Variants in FAM78B observed in about 807,000 individuals in gnomAD.
The protein encoded by FAM78B is protein FAM78B.
Under a neutral mutation model 20.0 loss-of-function variants are expected in FAM78B, and 10 were observed. That is an observed-to-expected ratio of 0.50 (90% CI 0.31 to 0.85). The LOEUF is 0.85. Ranked by LOEUF, FAM78B falls within the 40% of genes least tolerant of loss-of-function variation. The pLI is 0.05. For synonymous variants in FAM78B, 135 were observed against 132.8 expected, an observed-to-expected ratio of 1.02 and a Z score of -0.12; for missense variants, 283 against 345.0, an observed-to-expected ratio of 0.82 and a Z score of 1.42.
At chr1:166,105,871 A>G (rs1472744496) in intron 1 of FAM78B, among the ~76,000 whole-genome samples, 4 of 151,774 alleles carry the variant, frequency 2.6e-5, no homozygotes, top group Non-Finnish European at 1.5e-5. Context: ...TACCCAAAGG[A>G]TTATAAATCA....
rs1557890961 is a variant in FAM78B, at chr1:166,077,887, A to ATATATAT, written c.264-7125_264-7124insATATATA. 9.8e-3 allele frequency among the ~76,000 whole-genome samples: 13 copies of ATATATAT among 1,326 alleles called. 2 individuals carry two copies. The highest frequency in any genetic ancestry group is 0.022 in the African/African-American group (13 of 580). 0.9% of individuals were successfully genotyped at this position (1,326 alleles called of 152,430 possible). Reference sequence around the variant, plus strand: ...TTATATATATAATTATATATATAATAAATATATATAATTTATATATATAAT... The same window carrying ATATATAT: ...TTATATATATAATTATATATATAATATATATATAATATATATAATTTATATATATAAT... On this transcript the variant is annotated intron_variant, in intron 1 of 1. Coordinates refer to ENST00000354422, the MANE Select transcript of FAM78B (RefSeq NM_001017961.5).
chr1:166,113,293 G>A (rs1040439172), intron 1 of FAM78B, among the ~76,000 whole-genome samples: 7 of 152,192 alleles, frequency 4.6e-5, no homozygotes, highest in African/African-American at 1.7e-4. Flanking sequence ...CTTTCCAGGG[G>A]GATAATGTTG....
At chr1:166,157,099 T>G (rs1204722979) in intron 1 of FAM78B, among the ~76,000 whole-genome samples, 2 of 145,024 alleles carry the variant, frequency 1.4e-5, no homozygotes, top group East Asian at 4.2e-4. Flanking sequence ...TGGCTCCAGA[T>G]GTACAGAGCA....
chr1:166,120,672 A>G (rs1049846897), intron 1 of FAM78B, among the ~76,000 whole-genome samples: 1 of 152,238 alleles, frequency 6.6e-6, no homozygotes, highest in Admixed American at 6.5e-5. Context: ...GGCTGAATAT[A>G]GCAAAAACAC....
chr1:166,137,769 C>G (rs1655122220), intron 1 of FAM78B, among the ~76,000 whole-genome samples: 1 of 152,182 alleles, frequency 6.6e-6, no homozygotes, highest in Admixed American at 6.5e-5. Context: ...GCATAAGCAG[C>G]ACTACAAAAT....
intron 1 of FAM78B, among the ~76,000 whole-genome samples, chr1:166,129,431 G>A (rs1425829703): frequency 6.6e-6 from 1 of 151,976 alleles, no homozygotes; most frequent in Non-Finnish European, 1.5e-5. Context: ...AACGATAAAT[G>A]GATTCAAGAA....
At chr1:166,072,516 T>C (rs1181276686) in intron 1 of FAM78B, among the ~76,000 whole-genome samples, 2 of 152,226 alleles carry the variant, frequency 1.3e-5, no homozygotes, top group South Asian at 2.1e-4. Flanking sequence ...CATTTCTTAC[T>C]GTACAAAAGG....
intron 1 of FAM78B, among the ~76,000 whole-genome samples, chr1:166,153,559 T>G (rs79838992): frequency 0.025 from 3,781 of 151,690 alleles, 223 homozygotes; most frequent in Admixed American, 0.13. Context: ...CAGTGAAGGG[T>G]CCACATAGCC....
chr1:166,108,358 G>A (rs1158880375), intron 1 of FAM78B, among the ~76,000 whole-genome samples: 4 of 151,970 alleles, frequency 2.6e-5, no homozygotes, highest in Admixed American at 6.6e-5. Flanking sequence ...CAGTGACCAA[G>A]CAAAGAATCA....
intron 1 of FAM78B, among the ~76,000 whole-genome samples, chr1:166,089,657 T>C (rs1211775154): frequency 1.3e-5 from 2 of 151,826 alleles, no homozygotes; most frequent in Non-Finnish European, 2.9e-5. Context: ...TTTGTACAGT[T>C]AGGGCATCCA....
chr1:166,058,597 C>A (rs149167422), exon 3 of FAM78B: 1 of 151,764 alleles, frequency 6.6e-6, no homozygotes, highest in Non-Finnish European at 1.5e-5. Context: ...ATGGAGTTCA[C>A]TGGGGCCCAT....
chr1:166,058,564 T>C (rs1469183806), exon 3 of FAM78B: 7 of 151,886 alleles, frequency 4.6e-5, no homozygotes, highest in Admixed American at 4.6e-4. Context: ...GTATATATTA[T>C]ACATTCTATG....
chr1:166,139,775 T>C (rs1193921468), intron 1 of FAM78B, among the ~76,000 whole-genome samples: 1 of 152,226 alleles, frequency 6.6e-6, no homozygotes, highest in Non-Finnish European at 1.5e-5. Context: ...CAACCAGGTC[T>C]GTGCTGCCCC....
intron 1 of FAM78B, among the ~76,000 whole-genome samples, chr1:166,161,965 A>C (rs554806653): frequency 6.6e-6 from 1 of 152,322 alleles, no homozygotes; most frequent in East Asian, 1.9e-4. Context: ...GATGGATGAA[A>C]TTACCCAAGG....
At chr1:166,131,718 G>T (rs1187851132) in intron 1 of FAM78B, among the ~76,000 whole-genome samples, 1 of 152,150 alleles carries the variant, frequency 6.6e-6, no homozygotes, top group South Asian at 2.1e-4. Context: ...GACACTGAGT[G>T]TCCCTTAGAA....
chr1:166,133,021 G>A (rs1654930619), intron 1 of FAM78B, among the ~76,000 whole-genome samples: 2 of 152,206 alleles, frequency 1.3e-5, no homozygotes, highest in Admixed American at 1.3e-4. Flanking sequence ...AGACTTTGTT[G>A]AGGAATTGGA....
rs1557903168 is a variant in FAM78B at position 166,109,848 on chromosome 1, A to ATG, written c.264-39086_264-39085insCA. 3.9e-4 allele frequency among the ~76,000 whole-genome samples: 11 copies of ATG among 28,440 alleles called. 1 individual carries two copies. The highest frequency in any genetic ancestry group is 4.5e-3 in the East Asian group (2 of 444). 18.7% of individuals were successfully genotyped at this position (28,440 alleles called of 152,430 possible). A position where few individuals can be genotyped will look rare whatever the true frequency, so the allele number is the denominator to read the frequency against. ...TATATATATGTATATATGTATATATATATATATATATATGTATGTGTATAT... is the reference window on the plus strand; with the variant it reads ...TATATATATGTATATATGTATATATATGTATATATATATATGTATGTGTATAT... On this transcript the variant is annotated intron_variant, in intron 1 of 1. Transcript: ENST00000354422.
chr1:166,063,161 AG>A (rs1411554941), intron 2 of FAM78B, among the ~76,000 whole-genome samples: 1 of 152,204 alleles, frequency 6.6e-6, no homozygotes, highest in African/African-American at 2.4e-5. Flanking sequence ...GATGAGCCCA[AG>A]GGGGAAAATG....
intron 1 of FAM78B, among the ~76,000 whole-genome samples, chr1:166,125,269 A>G (rs1654601183): frequency 6.6e-6 from 1 of 151,768 alleles, no homozygotes; most frequent in African/African-American, 2.4e-5. Context: ...TCCTTAAATA[A>G]GCCATTGGAT....
Sources: allele counts gnomAD v4.1 joint callset (sites outside exome capture counted in the v4.1 genomes callset), GRCh38; gene constraint gnomAD v4.1.1; transcripts MANE v1.5; gene names NCBI Gene and HGNC (gene_info 2026-07-23, HGNC 2026-07-21).